The following SRR variants were observed in gnomAD, a reference collection of about 807,000 sequenced individuals.
SRR encodes serine racemase.
Under a neutral mutation model 32.7 loss-of-function variants are expected in SRR, and 19 were observed. The observed-to-expected ratio is 0.58, with a 90% confidence interval of 0.40 to 0.85. The LOEUF is 0.85. Ranked by LOEUF, SRR falls within the 40% of genes least tolerant of loss-of-function variation. The probability of loss-of-function intolerance (pLI) is 0.00; values close to 1 mark genes in which losing one functional copy is unlikely to be tolerated. For synonymous variants in SRR, 142 were observed against 140.9 expected, an observed-to-expected ratio of 1.01 and a Z score of -0.06; for missense variants, 373 against 404.7, an observed-to-expected ratio of 0.92 and a Z score of 0.67.
At chr17:2,303,742 C>T (rs1178526047), upstream of SRR, 2 of 1,482,784 alleles carry the variant, frequency 1.3e-6, no homozygotes, top group Non-Finnish European at 8.9e-7. Flanking sequence ...CTGCTACAGC[C>T]GTAGCGGCTC....
chr17:2,307,762 CAG>C (rs2075402595), intron 1 of SRR: 2 of 867,280 alleles, frequency 2.3e-6, no homozygotes, highest in South Asian at 1.3e-5. Flanking sequence ...AGCGAAGTGA[CAG>C]GGAAGCTACA....
rs2075566288 is a variant in SRR, at chr17:2,324,919, C to A, written c.*1046C>A. On this transcript the variant is annotated 3_prime_UTR_variant, in exon 8 of 8. Coordinates refer to ENST00000344595, the MANE Select transcript of SRR (RefSeq NM_021947.3). ...GTCCATTTAAAGACCCATGCAAGAG[C>A]CTGGTTTGTCATCCCTGCCCTAGCC... 6.9e-6 allele frequency: 10 copies of A among 1,458,430 alleles called. No individual in the cohort carries two copies. In the East Asian group the frequency reaches 2.1e-4, roughly 31 times the overall value. The allele number at this position is 1,458,430 out of a possible 1,614,324, so 90.3% of individuals were successfully genotyped here. A position where few individuals can be genotyped will look rare whatever the true frequency, so the allele number is the denominator to read the frequency against.
intron 6 of SRR, chr17:2,322,789 T>A: frequency 3.5e-6 from 1 of 284,044 alleles, no homozygotes; most frequent in East Asian, 9.1e-5. Context: ...GTGCTGGGAT[T>A]ACAGGCGTGA....
rs562903942 is a variant in SRR, at chr17:2,311,981, G to A, written c.-4-3576G>A. Reference sequence around the variant, plus strand: ...TCCCAGCACTTTGGAAGGCCAAGGCGGAAGGATCACTTGAGCTCAGGGGTT... The same window carrying A: ...TCCCAGCACTTTGGAAGGCCAAGGCAGAAGGATCACTTGAGCTCAGGGGTT... On this transcript the variant is annotated intron_variant, in intron 1 of 7. Transcript: ENST00000344595. Among the ~76,000 whole-genome samples the A allele has an allele frequency of 2.3e-3, 353 of 152,198 alleles. 2 individuals are homozygous for A. The highest frequency in any genetic ancestry group is 7.4e-3 in the African/African-American group (307 of 41,524).
At chr17:2,316,321 CA>C (rs1260246408) in intron 2 of SRR, among the ~76,000 whole-genome samples, 1 of 152,154 alleles carries the variant, frequency 6.6e-6, no homozygotes, top group African/African-American at 2.4e-5. Context: ...TTAAGCAAAG[CA>C]TGACTTTATT....
Position 2,321,562 on chromosome 17 carries a change from G to GAC in SRR, c.540_541insAC (p.Val181ThrfsTer5), listed in dbSNP as rs759559114. 6.2e-7 allele frequency: 1 copy of GAC among 1,614,114 alleles called. No homozygotes were observed. Among genetic ancestry groups the GAC allele is most frequent in the East Asian group, 2.2e-5 (1 of 44,882 alleles). On this transcript the variant is annotated frameshift_variant, in exon 6 of 8. Transcript: ENST00000344595. LOFTEE classifies it high-confidence loss of function. ...TAAAGGTTCCTTTGGTGGATGCACT[G>GAC]GTGGTACCTGTAGGTGGAGGAGGAA...
At chr17:2,313,778 G>A (rs970791333) in intron 1 of SRR, among the ~76,000 whole-genome samples, 2 of 152,124 alleles carry the variant, frequency 1.3e-5, no homozygotes, top group Non-Finnish European at 2.9e-5. Flanking sequence ...ACTCACCTAT[G>A]AGATTCATTG....
At chr17:2,309,394 C>T (rs558039208) in intron 1 of SRR, among the ~76,000 whole-genome samples, 3 of 152,270 alleles carry the variant, frequency 2.0e-5, no homozygotes, top group Middle Eastern at 3.4e-3. Flanking sequence ...GGAAAATGCC[C>T]CTTACTCCCA....
rs113934013 is a variant in SRR, at chr17:2,307,320, G to A, written c.-5+3303G>A. The A allele has an allele frequency of 6.5e-3, 6,858 of 1,059,112 alleles. 311 individuals carry two copies. The African/African-American group carries it at 0.095, about 15-fold the overall frequency. The allele number at this position is 1,059,112 out of a possible 1,614,324, so 65.6% of individuals were successfully genotyped here. A position where few individuals can be genotyped will look rare whatever the true frequency, so the allele number is the denominator to read the frequency against. On this transcript the variant is annotated intron_variant, in intron 1 of 7. Coordinates refer to ENST00000344595, the MANE Select transcript of SRR (RefSeq NM_021947.3). Reference sequence around the variant, plus strand: ...AAGGCCTGTCAAAGCAAGAGATGGTGAGTGCTTCATCCAGCCAAAGAGGTC... The same window carrying A: ...AAGGCCTGTCAAAGCAAGAGATGGTAAGTGCTTCATCCAGCCAAAGAGGTC...
chr17:2,303,466 C>T, upstream of SRR: 8 of 1,318,840 alleles, frequency 6.1e-6, no homozygotes, highest in Non-Finnish European at 7.7e-6. Flanking sequence ...CCCGCACTAA[C>T]CCGCGAGAGA....
chr17:2,310,613 CTG>C (rs1221775205), intron 1 of SRR, among the ~76,000 whole-genome samples: 1 of 151,858 alleles, frequency 6.6e-6, no homozygotes, highest in Non-Finnish European at 1.5e-5. Flanking sequence ...GAGTCTCACT[CTG>C]TCGCCCAGGC....
upstream of SRR, chr17:2,303,386 G>A (rs1191227618): frequency 1.4e-5 from 17 of 1,237,664 alleles, no homozygotes; most frequent in South Asian, 3.4e-5. Context: ...CCTTCGCGGC[G>A]AGAAAGAGGG....
At chr17:2,311,368 G>A (rs367655256) in intron 1 of SRR, among the ~76,000 whole-genome samples, 10 of 151,804 alleles carry the variant, frequency 6.6e-5, no homozygotes, top group African/African-American at 2.2e-4. Flanking sequence ...CGTCATGGTG[G>A]CTCACGCCTG....
chr17:2,318,136 G>GTT, intron 3 of SRR, 140 bp downstream of exon 3: 188 of 923,508 alleles, frequency 2.0e-4, no homozygotes, highest in South Asian at 3.0e-4. Context: ...ATGAACATAA[G>GTT]TTTTTTTTTT....
In SRR at chr17:2,324,618, AC is replaced by A; in HGVS notation, c.*748del. The A allele has an allele frequency of 6.2e-7, 1 of 1,614,026 alleles. No individual in the cohort carries two copies. The highest frequency in any genetic ancestry group is 8.5e-7 in the Non-Finnish European group (1 of 1,179,994). On this transcript the variant is annotated 3_prime_UTR_variant, in exon 8 of 8. Transcript: ENST00000344595. ...CATTAAAGACCAAGATGAAACATTT[AC>A]CCACAAAATGTAAACCCAACCTTTA...
intron 4 of SRR, 122 bp from the exon 5 acceptor site, chr17:2,321,184 C>A: frequency 8.7e-7 from 1 of 1,143,924 alleles, no homozygotes; most frequent in Non-Finnish European, 1.3e-6. Context: ...ACATATATAT[C>A]TCTAGTACCT....
intron 1 of SRR, chr17:2,307,472 G>C (rs529514902): frequency 7.0e-7 from 1 of 1,434,226 alleles, no homozygotes; most frequent in African/African-American, 1.4e-5. Context: ...GGTGGATATC[G>C]TGCAGTGGGG....
Position 2,303,967 on chromosome 17 carries a change from C to CG in SRR, c.-51dup, listed in dbSNP as rs1369226983. 2.4e-5 allele frequency: 8 copies of CG among 338,530 alleles called. No individual in the cohort carries two copies. The South Asian group carries it at 5.2e-4, about 22-fold the overall frequency. The allele number at this position is 338,530 out of a possible 1,614,324, so 21.0% of individuals were successfully genotyped here. ...CGCTGCGCGTGCGCAGAGGTGCGGC[C>CG]GGGGAGGCGCGCGGAGGCTGGAGCT... On this transcript the variant is annotated 5_prime_UTR_variant, in exon 1 of 8. Coordinates refer to ENST00000344595, the MANE Select transcript of SRR (RefSeq NM_021947.3).
intron 4 of SRR, among the ~76,000 whole-genome samples, chr17:2,320,471 G>T (rs1055908413): frequency 6.6e-6 from 1 of 151,150 alleles, no homozygotes; most frequent in Non-Finnish European, 1.5e-5. Flanking sequence ...GGCCAGGCTG[G>T]TCTCGAACTC....
Sources: gnomAD v4.1 joint callset for allele counts (sites outside exome capture counted in the v4.1 genomes callset) on GRCh38, gnomAD v4.1.1 for gene constraint, MANE v1.5 for transcripts, NCBI Gene and HGNC (gene_info 2026-07-23, HGNC 2026-07-21) for gene names.